The following NOTCH2NLB variants were observed in gnomAD, a reference collection of about 807,000 sequenced individuals.
NOTCH2NLB encodes the protein notch homolog 2 N-terminal-like protein B.
Under a neutral mutation model 14.8 loss-of-function variants are expected in NOTCH2NLB, and 1 was observed. The ratio of observed to expected loss-of-function variants is 0.07; its 90% CI spans 0.02 to 0.32. The LOEUF is 0.32. Ranked by LOEUF, NOTCH2NLB falls within the 10% of genes least tolerant of loss-of-function variation. The pLI is 1.00. For missense variants in NOTCH2NLB, 11 were observed against 155.0 expected, an observed-to-expected ratio of 0.07 and a Z score of 4.93; for synonymous variants, 6 against 57.5, an observed-to-expected ratio of 0.10 and a Z score of 4.05.
Position 148,679,481 on chromosome 1 carries a change from G to A in NOTCH2NLB, c.-17C>T. The stretch of plus-strand genomic sequence containing the variant: ...ACTCACCATGCGCGGGGGTCGCGCA[G>A]CACAGCCAGAGCGCCAGCAGCGCCC... On this transcript the variant is annotated 5_prime_UTR_variant, in exon 1 of 5. Coordinates refer to ENST00000593495, the Ensembl canonical transcript of NOTCH2NLB. 3 of 1,112,808 alleles carry A rather than the reference G, an allele frequency of 2.7e-6. 1 individual carries two copies. Among genetic ancestry groups the A allele is most frequent in the Non-Finnish European group, 3.5e-6 (3 of 864,604 alleles). The allele number at this position is 1,112,808 out of a possible 1,614,324, so 68.9% of individuals were successfully genotyped here. A position where few individuals can be genotyped will look rare whatever the true frequency, so the allele number is the denominator to read the frequency against.
At chr1:148,700,981 C>T in the NOTCH2NLB span, among the ~76,000 whole-genome samples, 2 of 74,662 alleles carry the variant, frequency 2.7e-5, no homozygotes, top group Non-Finnish European at 5.5e-5. Flanking sequence ...CTATATTGGC[C>T]ATGCTAGCTT....
At chr1:148,620,924 TAA>T (rs1663858744) in intron 2 of NOTCH2NLB, among the ~76,000 whole-genome samples, 3 of 152,258 alleles carry the variant, frequency 2.0e-5, no homozygotes, top group Non-Finnish European at 4.4e-5. Context: ...TTCCCTGTCG[TAA>T]AAGAGATGTA....
Position 148,637,218 on chromosome 1 carries a change from G to A in NOTCH2NLB, c.77+2798C>T, listed in dbSNP as rs1302414156. On this transcript the variant is annotated intron_variant, in intron 2 of 4. Coordinates refer to ENST00000593495, the Ensembl canonical transcript of NOTCH2NLB. ...TGAGTAACTGGGATTACAGGTGCGT[G>A]CCACCACGCCCAGCTAATTTTTTGC... Among the ~76,000 whole-genome samples, 19 of 145,206 alleles carry A rather than the reference G, an allele frequency of 1.3e-4. 3 individuals carry two copies. Among genetic ancestry groups the A allele is most frequent in the Non-Finnish European group, 6.1e-5 (4 of 65,974 alleles).
chr1:148,610,107 G>C (rs1292406432), intron 3 of NOTCH2NLB, among the ~76,000 whole-genome samples: 5 of 141,464 alleles, frequency 3.5e-5, no homozygotes, highest in Admixed American at 7.0e-5. Context: ...GGCCAACATG[G>C]TGAAACGCCA....
intron 1 of NOTCH2NLB, among the ~76,000 whole-genome samples, chr1:148,651,162 A>AAATATAT (rs1553341433): frequency 4.3e-5 from 2 of 46,042 alleles, no homozygotes; most frequent in South Asian, 7.7e-4. Flanking sequence ...AAAAAAAAAA[A>AAATATAT]ATATATATAT....
rs1321168754 is a variant in NOTCH2NLB at position 148,609,203 on chromosome 1, G to C, written c.338-1458C>G. 5.1e-4 allele frequency among the ~76,000 whole-genome samples: 65 copies of C among 127,864 alleles called. 4 individuals carry two copies. The highest frequency in any genetic ancestry group is 2.1e-3 in the African/African-American group (65 of 31,616). 83.9% of individuals were successfully genotyped at this position (127,864 alleles called of 152,430 possible). On this transcript the variant is annotated intron_variant, in intron 3 of 4. Transcript: ENST00000593495. ...GTTGGTGTGCTGCACCCATTAACTC[G>C]TCATTTACATTAGGTACATCTCCTA... is the stretch of plus-strand genomic sequence containing the variant.
At chr1:148,622,300 T>G (rs1663899111) in intron 2 of NOTCH2NLB, among the ~76,000 whole-genome samples, 2 of 109,786 alleles carry the variant, frequency 1.8e-5, no homozygotes, top group Non-Finnish European at 3.6e-5. Context: ...AACCCAGAAG[T>G]TGGAGGTTGC....
chr1:148,638,610 C>T (rs1664271556), intron 2 of NOTCH2NLB, among the ~76,000 whole-genome samples: 1 of 149,278 alleles, frequency 6.7e-6, no homozygotes, highest in Non-Finnish European at 1.5e-5. Flanking sequence ...TAATAAGCTA[C>T]ATAAAACCTT....
intron 2 of NOTCH2NLB, among the ~76,000 whole-genome samples, chr1:148,638,443 G>T (rs1248618115): frequency 5.4e-5 from 8 of 148,684 alleles, no homozygotes; most frequent in Non-Finnish European, 1.0e-4. Flanking sequence ...AGCAACTAAG[G>T]CACCAAATGC....
chr1:148,679,591 T>C lies in NOTCH2NLB; in HGVS notation c.-127A>G. 2 of 1,094,536 alleles carry C rather than the reference T, an allele frequency of 1.8e-6. 1 individual carries two copies. The highest frequency in any genetic ancestry group is 2.3e-6 in the Non-Finnish European group (2 of 855,528). The allele number at this position is 1,094,536 out of a possible 1,614,324, so 67.8% of individuals were successfully genotyped here. ...TGGGCAGATCCACATGGGGAGGGGG[T>C]CCCGATAGAGGAGCCCCACTCTCTC... On this transcript the variant is annotated 5_prime_UTR_variant, in exon 1 of 5. Transcript: ENST00000593495.
intron 1 of NOTCH2NLB, among the ~76,000 whole-genome samples, chr1:148,670,571 T>TAA (rs1664756115): frequency 7.2e-6 from 1 of 138,470 alleles, no homozygotes; most frequent in Non-Finnish European, 1.6e-5. Flanking sequence ...TATATATATA[T>TAA]ATATATAAAT....
intron 3 of NOTCH2NLB, among the ~76,000 whole-genome samples, chr1:148,610,892 CAAAAAA>C (rs1213221121): frequency 3.8e-4 from 13 of 34,320 alleles, no homozygotes; most frequent in African/African-American, 1.9e-3. Flanking sequence ...TACTCCATCT[CAAAAAA>C]AAAAAAAAAA....
At position 148,638,749 on chromosome 1, in the gene NOTCH2NLB, T is replaced by C. The variant is rs1225229871; in HGVS notation, c.77+1267A>G. On this transcript the variant is annotated intron_variant, in intron 2 of 4. Transcript: ENST00000593495. ...GAAAAAAAAATCTTGTTTATAACAT[T>C]AAAAAACTAAATCCTAGTGTCAGAA... Among the ~76,000 whole-genome samples the C allele has an allele frequency of 3.9e-4, 59 of 149,502 alleles. 7 individuals are homozygous for C. The highest frequency in any genetic ancestry group is 1.0e-3 in the African/African-American group (42 of 40,160).
intron 1 of NOTCH2NLB, among the ~76,000 whole-genome samples, chr1:148,674,831 G>C (rs2149634582): frequency 6.8e-6 from 1 of 147,350 alleles, no homozygotes; most frequent in East Asian, 2.0e-4. Context: ...GTTTTTGTCA[G>C]TAGGGTGTTC....
chr1:148,609,612 G>A lies in NOTCH2NLB; in HGVS notation c.338-1867C>T, dbSNP rs1300061242. 3.5e-5 allele frequency among the ~76,000 whole-genome samples: 5 copies of A among 144,218 alleles called. 1 individual carries two copies. Among genetic ancestry groups the A allele is most frequent in the Non-Finnish European group, 7.6e-5 (5 of 65,898 alleles). 94.6% of individuals were successfully genotyped at this position (144,218 alleles called of 152,430 possible). A position where few individuals can be genotyped will look rare whatever the true frequency, so the allele number is the denominator to read the frequency against. On this transcript the variant is annotated intron_variant, in intron 3 of 4. Coordinates refer to ENST00000593495, the Ensembl canonical transcript of NOTCH2NLB. ...TTATAATTCTTTGGGTATATACCCA[G>A]TACTGGGATGGCGAGAACTCCTTGA... is the stretch of plus-strand genomic sequence containing the variant.
chr1:148,674,503 A>G (rs1664810886), intron 1 of NOTCH2NLB, among the ~76,000 whole-genome samples: 1 of 64,400 alleles, frequency 1.6e-5, no homozygotes. Flanking sequence ...AAGAGATAGC[A>G]AAAAAAGTCT....
At chr1:148,625,336 T>C (rs1350341577) in intron 2 of NOTCH2NLB, among the ~76,000 whole-genome samples, 1 of 80,166 alleles carries the variant, frequency 1.2e-5, no homozygotes, top group Non-Finnish European at 2.3e-5. Flanking sequence ...GCTCTGTCTT[T>C]AGCTTTTTTT....
downstream of NOTCH2NLB, among the ~76,000 whole-genome samples, chr1:148,604,755 A>G (rs1417219109): frequency 2.1e-5 from 3 of 140,552 alleles, 1 homozygote; most frequent in East Asian, 6.0e-4. Context: ...CATATGAACA[A>G]TGAGCATGAA....
At chr1:148,625,650 G>C (rs1663967314) in intron 2 of NOTCH2NLB, among the ~76,000 whole-genome samples, 1 of 119,698 alleles carries the variant, frequency 8.4e-6, no homozygotes. Context: ...TTCTTGCACT[G>C]GGCCTCTTGG....
Sources: gnomAD v4.1 joint callset for allele counts (sites outside exome capture counted in the v4.1 genomes callset) on GRCh38, gnomAD v4.1.1 for gene constraint, MANE v1.5 for transcripts, NCBI Gene and HGNC (gene_info 2026-07-23, HGNC 2026-07-21) for gene names.